KIAA1217: variants seen among roughly 807,000 people sequenced by gnomAD.
KIAA1217 encodes the protein KIAA1217.
A neutral mutation model predicts 163.9 loss-of-function variants in KIAA1217; 88 were observed. The observed-to-expected ratio is 0.54, with a 90% confidence interval of 0.45 to 0.64. The LOEUF is 0.64. KIAA1217 is among the 30% of genes least tolerant of loss of function. The pLI, the probability that KIAA1217 is intolerant of heterozygous loss-of-function variation, is 0.00. For missense variants in KIAA1217, 2,372 were observed against 2,475.0 expected, an observed-to-expected ratio of 0.96 and a Z score of 0.88; for synonymous variants, 903 against 923.1, an observed-to-expected ratio of 0.98 and a Z score of 0.39.
At position 24,040,599 on chromosome 10, in the gene KIAA1217, CA is replaced by C. The variant is rs565007911; in HGVS notation, c.-171+33226del. On this transcript the variant is annotated intron_variant, in intron 2 of 18. Transcript: ENST00000376462. ...ATTTAATGGAGTGGATTTTATGATA[CA>C]GCAGTATTTGCAAACGTGGTGGTTC... is the stretch of plus-strand genomic sequence containing the variant. Among the ~76,000 whole-genome samples, 23 of 152,274 alleles carry C rather than the reference CA, an allele frequency of 1.5e-4. No homozygotes were observed. The South Asian group carries it at 3.9e-3, about 26-fold the overall frequency.
intron 1 of KIAA1217, among the ~76,000 whole-genome samples, chr10:23,822,141 A>G (rs1837650326): frequency 1.3e-5 from 2 of 152,068 alleles, no homozygotes; most frequent in African/African-American, 4.8e-5. Flanking sequence ...TATAGTCTCC[A>G]TCCCTTTCCT....
rs1837458383 is a variant in KIAA1217 at position 23,714,600 on chromosome 10, C to T, written c.-321+19366C>T. ...TGAAATATTCTTCTTCTTTGGTTCC[C>T]TCCTCACTTGACCTCTGGACTAAAG... On this transcript the variant is annotated intron_variant, in intron 1 of 18. Transcript: ENST00000376462. Among the ~76,000 whole-genome samples the T allele has an allele frequency of 2.0e-5, 3 of 152,240 alleles. No homozygotes were observed. The South Asian group carries it at 6.2e-4, about 32-fold the overall frequency.
At chr10:24,295,032 C>G (rs975228155) in intron 2 of KIAA1217, among the ~76,000 whole-genome samples, 2 of 152,188 alleles carry the variant, frequency 1.3e-5, no homozygotes, top group Admixed American at 1.3e-4. Flanking sequence ...AGAAATGTCT[C>G]TCTTCTGGGC....
intron 14 of KIAA1217, among the ~76,000 whole-genome samples, chr10:24,528,835 T>C (rs1175902009): frequency 6.6e-6 from 1 of 152,142 alleles, no homozygotes; most frequent in Non-Finnish European, 1.5e-5. Context: ...TTATGAGCTC[T>C]CGGGGGATAT....
intron 1 of KIAA1217, among the ~76,000 whole-genome samples, chr10:23,917,027 A>C (rs974781616): frequency 1.3e-5 from 2 of 148,864 alleles, no homozygotes; most frequent in Non-Finnish European, 3.0e-5. Flanking sequence ...CCTCCCTTTC[A>C]TTTCCTTTCC....
At chr10:24,202,449 G>T (rs1189901891) in intron 2 of KIAA1217, among the ~76,000 whole-genome samples, 3 of 152,110 alleles carry the variant, frequency 2.0e-5, no homozygotes, top group Non-Finnish European at 4.4e-5. Flanking sequence ...CAAGACACCA[G>T]TCACAGGCTT....
At chr10:24,029,678 AG>A (rs1848112853) in intron 2 of KIAA1217, among the ~76,000 whole-genome samples, 1 of 152,226 alleles carries the variant, frequency 6.6e-6, no homozygotes, top group Admixed American at 6.5e-5. Flanking sequence ...GTACAAAGCC[AG>A]GGCCAGAGAG....
chr10:24,528,039 C>T lies in KIAA1217; in HGVS notation c.3002C>T (p.Ser1001Leu), dbSNP rs369961556. ...LEEAQANIMK[S>L]IPNLEMPPAT... ...GAAGCTCAGGCCAATATCATGAAGT[C>T]AATACCAAATCTGGAGATGCCGCCA... Residue 1001 changes from serine (S) to leucine (L), a missense_variant, in exon 14 of 21, where the codon TCA becomes TTA. Physicochemically the swap from Ser to Leu is moderately radical, Grantham distance 145. This residue lies in a region of KIAA1217 where 1,431 missense variants were observed against 1,470.3 expected (regional missense o/e 0.97). Coordinates refer to ENST00000376454, the MANE Select transcript of KIAA1217 (RefSeq NM_019590.5). The T allele has an allele frequency of 2.2e-5, 35 of 1,613,996 alleles. No individual in the cohort carries two copies. Among genetic ancestry groups the T allele is most frequent in the Non-Finnish European group, 2.5e-5 (30 of 1,180,022 alleles).
intron 2 of KIAA1217, among the ~76,000 whole-genome samples, chr10:24,148,460 G>A (rs572989362): frequency 6.8e-4 from 104 of 152,294 alleles, no homozygotes; most frequent in African/African-American, 2.5e-3. Context: ...GGTGGGGCCT[G>A]GTGGGAGGTG....
chr10:23,915,627 C>T (rs929569758), intron 1 of KIAA1217, among the ~76,000 whole-genome samples: 1 of 152,122 alleles, frequency 6.6e-6, no homozygotes, highest in Non-Finnish European at 1.5e-5. Flanking sequence ...ATTCTCTGTA[C>T]TATTTCTGCA....
At chr10:24,145,153 A>T (rs957879739) in intron 2 of KIAA1217, among the ~76,000 whole-genome samples, 4 of 152,250 alleles carry the variant, frequency 2.6e-5, no homozygotes, top group African/African-American at 9.6e-5. Context: ...GCCAGCTCTT[A>T]TAAGACACCT....
At chr10:24,177,112 G>A (rs1359962325) in intron 2 of KIAA1217, among the ~76,000 whole-genome samples, 1 of 151,582 alleles carries the variant, frequency 6.6e-6, no homozygotes, top group African/African-American at 2.4e-5. Context: ...CAGGGAGCCA[G>A]CTTAGGCCTT....
At chr10:23,945,286 A>G (rs887157021) in intron 1 of KIAA1217, among the ~76,000 whole-genome samples, 1 of 152,226 alleles carries the variant, frequency 6.6e-6, no homozygotes, top group Non-Finnish European at 1.5e-5. Context: ...AATGGAACAC[A>G]ACACAGCAAT....
chr10:23,760,795 A>C (rs1315243171), intron 1 of KIAA1217, among the ~76,000 whole-genome samples: 1 of 152,126 alleles, frequency 6.6e-6, no homozygotes, highest in African/African-American at 2.4e-5. Flanking sequence ...TTTAAAAGAT[A>C]AGAAAAGAAC....
At chr10:24,359,396 C>A (rs1457567210) in intron 2 of KIAA1217, among the ~76,000 whole-genome samples, 1 of 152,118 alleles carries the variant, frequency 6.6e-6, no homozygotes, top group African/African-American at 2.4e-5. Flanking sequence ...CCTGACTTAG[C>A]TTTCATTTGA....
chr10:23,743,618 T>C (rs1302860126), intron 1 of KIAA1217, among the ~76,000 whole-genome samples: 1 of 152,206 alleles, frequency 6.6e-6, no homozygotes, highest in African/African-American at 2.4e-5. Context: ...CACGCTGCTA[T>C]GTTGAGAGAA....
chr10:23,907,043 G>A (rs186040728), intron 1 of KIAA1217, among the ~76,000 whole-genome samples: 46 of 152,142 alleles, frequency 3.0e-4, no homozygotes, highest in East Asian at 2.3e-3. Flanking sequence ...CTGAGGCAGC[G>A]TACAGTCATT....
chr10:24,265,574 G>A (rs2076155743), intron 2 of KIAA1217, among the ~76,000 whole-genome samples: 1 of 152,128 alleles, frequency 6.6e-6, no homozygotes, highest in African/African-American at 2.4e-5. Context: ...GGGGCATTGG[G>A]CAGCCGGCCA....
intron 2 of KIAA1217, among the ~76,000 whole-genome samples, chr10:24,034,544 T>C (rs1020757766): frequency 1.8e-5 from 2 of 113,920 alleles, no homozygotes; most frequent in African/African-American, 3.2e-5. Context: ...GCCTGGGCAA[T>C]AAGATGAGAC....
Sources: allele counts gnomAD v4.1 joint callset (sites outside exome capture counted in the v4.1 genomes callset), GRCh38; gene constraint gnomAD v4.1.1; regional missense constraint gnomAD v4.1.1; transcripts MANE v1.5; gene names NCBI Gene and HGNC (gene_info 2026-07-23, HGNC 2026-07-21).